The following RBFOX3 variants were observed in gnomAD, a reference collection of about 807,000 sequenced individuals.
RBFOX3 encodes the protein RNA binding protein fox-1 homolog 3.
Under a neutral mutation model 48.7 loss-of-function variants are expected in RBFOX3, and 17 were observed. The ratio of observed to expected loss-of-function variants is 0.35; its 90% CI spans 0.24 to 0.52. RBFOX3 has a LOEUF of 0.52. RBFOX3 is among the 20% of genes least tolerant of loss of function. RBFOX3 has a pLI of 0.94. For missense variants in RBFOX3, 382 were observed against 497.5 expected (o/e 0.77, Z 2.21); for synonymous variants, 212 against 209.5 (o/e 1.01, Z -0.10).
intron 4 of RBFOX3, among the ~76,000 whole-genome samples, chr17:79,160,107 C>A (rs979974797): frequency 2.0e-5 from 3 of 152,260 alleles, no homozygotes; most frequent in Non-Finnish European, 4.4e-5. Context: ...CTGCCTAGCT[C>A]CGGCCCCGGG....
chr17:79,113,728 C>A (rs927644769), intron 5 of RBFOX3, among the ~76,000 whole-genome samples: 3 of 152,190 alleles, frequency 2.0e-5, no homozygotes, highest in Non-Finnish European at 4.4e-5. Context: ...GCAAGCCAGA[C>A]CCAAGCCAGC....
At chr17:79,210,799 C>T (rs1044403597) in intron 4 of RBFOX3, among the ~76,000 whole-genome samples, 8 of 152,048 alleles carry the variant, frequency 5.3e-5, no homozygotes, top group African/African-American at 1.7e-4. Context: ...GCAGGAGCTC[C>T]CAAACACAAT....
At chr17:79,619,184 G>A in the RBFOX3 span, among the ~76,000 whole-genome samples, 1 of 152,288 alleles carries the variant, frequency 6.6e-6, no homozygotes, top group Non-Finnish European at 1.5e-5. Context: ...GTAGAACCTC[G>A]ACAGCGTCTT....
intron 3 of RBFOX3, among the ~76,000 whole-genome samples, chr17:79,293,844 G>C (rs565484142): frequency 6.6e-6 from 1 of 152,304 alleles, no homozygotes; most frequent in African/African-American, 2.4e-5. Flanking sequence ...CCACAAATAA[G>C]CCAGATGAAG....
the RBFOX3 span, among the ~76,000 whole-genome samples, chr17:79,640,626 TAGAG>T: frequency 6.6e-5 from 10 of 152,138 alleles, no homozygotes; most frequent in South Asian, 1.5e-3. Flanking sequence ...TCGAACAAAA[TAGAG>T]AGCCCAGAAA....
intron 5 of RBFOX3, among the ~76,000 whole-genome samples, chr17:79,114,507 C>T (rs1425877953): frequency 6.6e-6 from 1 of 152,208 alleles, no homozygotes; most frequent in Non-Finnish European, 1.5e-5. Flanking sequence ...TGGAGGAAGC[C>T]CCTGCCCACA....
At chr17:79,244,891 A>T (rs7406044) in intron 3 of RBFOX3, among the ~76,000 whole-genome samples, 7 of 84,294 alleles carry the variant, frequency 8.3e-5, no homozygotes, top group Admixed American at 1.6e-4. Flanking sequence ...CCCTCCCTCC[A>T]TCCCTCCCTC....
intron 1 of RBFOX3, among the ~76,000 whole-genome samples, chr17:79,488,673 A>C (rs954791879): frequency 1.2e-4 from 19 of 152,352 alleles, no homozygotes; most frequent in Non-Finnish European, 1.6e-4. Context: ...TGGCAGATGC[A>C]GACCCAGGTT....
At chr17:79,402,488 G>C (rs2062934367) in intron 2 of RBFOX3, among the ~76,000 whole-genome samples, 1 of 152,170 alleles carries the variant, frequency 6.6e-6, no homozygotes, top group Admixed American at 6.5e-5. Context: ...GTGCTAACGG[G>C]GATTAACGAT....
chr17:79,404,404 G>A (rs910301157), intron 2 of RBFOX3, among the ~76,000 whole-genome samples: 2 of 152,224 alleles, frequency 1.3e-5, no homozygotes, highest in African/African-American at 4.8e-5. Flanking sequence ...GTGTCAAGGA[G>A]TCCCAGCCCG....
At chr17:79,494,773 A>T (rs1352937072) in intron 1 of RBFOX3, among the ~76,000 whole-genome samples, 1 of 152,008 alleles carries the variant, frequency 6.6e-6, no homozygotes, top group Admixed American at 6.5e-5. Context: ...CAAGGACTGA[A>T]CCCAACCCTG....
At position 79,419,853 on chromosome 17, in the gene RBFOX3, G is replaced by A. The variant is rs142950464; in HGVS notation, c.-175+62601C>T. Among the ~76,000 whole-genome samples the A allele has an allele frequency of 2.6e-3, 391 of 152,270 alleles. 2 individuals are homozygous for A. Among genetic ancestry groups the A allele is most frequent in the Non-Finnish European group, 4.4e-3 (301 of 68,018 alleles). The stretch of plus-strand genomic sequence containing the variant: ...GTAAGATGGTTAACAGGGGCCGGGC[G>A]CGGTGGCTCATGCCTGTAATCCCAG... On this transcript the variant is annotated intron_variant, in intron 2 of 14. Coordinates refer to ENST00000693108, the MANE Select transcript of RBFOX3 (RefSeq NM_001350451.2).
At chr17:79,656,280 C>T in the RBFOX3 span, among the ~76,000 whole-genome samples, 1 of 152,194 alleles carries the variant, frequency 6.6e-6, no homozygotes, top group Non-Finnish European at 1.5e-5. Context: ...CAGCCATTGA[C>T]AATGCACACA....
At chr17:79,500,461 T>C (rs2149722892) in intron 1 of RBFOX3, among the ~76,000 whole-genome samples, 1 of 152,186 alleles carries the variant, frequency 6.6e-6, no homozygotes, top group Non-Finnish European at 1.5e-5. Flanking sequence ...TTCTCCATGT[T>C]GGCCAGGCTG....
chr17:79,373,151 A>T (rs557080673), intron 2 of RBFOX3, among the ~76,000 whole-genome samples: 41 of 152,176 alleles, frequency 2.7e-4, no homozygotes, highest in African/African-American at 9.6e-4. Flanking sequence ...CCCCATTTCC[A>T]TGTGTTACAA....
At chr17:79,326,772 C>A (rs974602672) in intron 2 of RBFOX3, among the ~76,000 whole-genome samples, 1 of 152,184 alleles carries the variant, frequency 6.6e-6, no homozygotes, top group Non-Finnish European at 1.5e-5. Context: ...AACCCTCAGG[C>A]CCTGTCTACT....
intron 4 of RBFOX3, among the ~76,000 whole-genome samples, chr17:79,197,909 C>T (rs866132375): frequency 3.1e-4 from 47 of 152,290 alleles, no homozygotes; most frequent in Non-Finnish European, 2.4e-4. Flanking sequence ...TGTGCCCTTC[C>T]TCACCTCCCC....
intron 2 of RBFOX3, among the ~76,000 whole-genome samples, chr17:79,379,408 C>T (rs1485147820): frequency 3.3e-5 from 5 of 152,142 alleles, no homozygotes; most frequent in Non-Finnish European, 7.3e-5. Flanking sequence ...GATTCTACCC[C>T]GTTTTCGTTT....
At chr17:79,630,325 A>G in the RBFOX3 span, among the ~76,000 whole-genome samples, 1 of 152,230 alleles carries the variant, frequency 6.6e-6, no homozygotes, top group Admixed American at 6.5e-5. Flanking sequence ...TACGGCACTA[A>G]TGATGCAAAC....
Sources: allele counts gnomAD v4.1 joint callset (sites outside exome capture counted in the v4.1 genomes callset), GRCh38; gene constraint gnomAD v4.1.1; transcripts MANE v1.5; gene names NCBI Gene and HGNC (gene_info 2026-07-23, HGNC 2026-07-21).